TNR: variants seen among roughly 807,000 people sequenced by gnomAD.
TNR encodes tenascin-R.
In TNR, 45 loss-of-function variants were observed where a neutral mutation model predicts 150.4. That is an observed-to-expected ratio of 0.30 (90% CI 0.24 to 0.38). TNR has a LOEUF of 0.38. TNR is among the 10% of genes least tolerant of loss of function. The pLI, the probability that TNR is intolerant of heterozygous loss-of-function variation, is 1.00. For synonymous variants in TNR, 687 were observed against 678.4 expected (o/e 1.01, Z -0.20); for missense variants, 1,544 against 1,759.1 (o/e 0.88, Z 2.19).
chr1:175,325,861 C>A (rs1649354732), intron 21 of TNR, among the ~76,000 whole-genome samples: 1 of 151,158 alleles, frequency 6.6e-6, no homozygotes, highest in South Asian at 2.1e-4. Flanking sequence ...CACACCAGGG[C>A]CTGTTGTGGG....
chr1:175,455,659 G>C (rs1305941397), intron 2 of TNR, among the ~76,000 whole-genome samples: 1 of 152,204 alleles, frequency 6.6e-6, no homozygotes, highest in East Asian at 1.9e-4. Flanking sequence ...ATCCTGAAAA[G>C]CCAGAAGGGT....
At chr1:175,663,929 T>C (rs966795341) in intron 1 of TNR, among the ~76,000 whole-genome samples, 1 of 152,206 alleles carries the variant, frequency 6.6e-6, no homozygotes, top group African/African-American at 2.4e-5. Flanking sequence ...GAGGGGTAAC[T>C]TGGAGATGGC....
chr1:175,483,726 CA>C (rs1273915158), intron 2 of TNR, among the ~76,000 whole-genome samples: 1 of 152,166 alleles, frequency 6.6e-6, no homozygotes, highest in African/African-American at 2.4e-5. Context: ...GGCTCAAAAC[CA>C]AACCCCAAGG....
intron 2 of TNR, among the ~76,000 whole-genome samples, chr1:175,434,706 C>A (rs975809187): frequency 2.0e-5 from 3 of 152,138 alleles, no homozygotes; most frequent in Admixed American, 6.5e-5. Context: ...CCCGGGAATA[C>A]GGTATGTGTG....
At chr1:175,347,633 G>T (rs1481551108) in intron 18 of TNR, among the ~76,000 whole-genome samples, 1 of 151,924 alleles carries the variant, frequency 6.6e-6, no homozygotes, top group Non-Finnish European at 1.5e-5. Flanking sequence ...TCATCATGTT[G>T]CCCAGGCTGT....
chr1:175,396,651 C>T lies in TNR; in HGVS notation c.1133G>A (p.Ser378Asn), dbSNP rs769445830. The T allele has an allele frequency of 1.2e-5, 19 of 1,614,094 alleles. No individual in the cohort carries two copies. Among genetic ancestry groups the T allele is most frequent in the Non-Finnish European group, 1.6e-5 (19 of 1,180,060 alleles). ...QLQQRVPGDWSGVTITELEPG... is the reference protein window; with the variant it reads ...QLQQRVPGDWNGVTITELEPG... ...CTCCAGCTCCGTGATGGTGACACCA[C>T]TCCAATCTCCAGGCACCCGCTGCTG... The change falls in exon 5 of 23, where the codon AGT (serine) becomes AAT (asparagine). Residue 378 changes from serine (S) to asparagine (N), a missense_variant. This residue lies in a region of TNR where 1,254 missense variants were observed against 1,329.4 expected (regional missense o/e 0.94). Transcript: ENST00000367674.
chr1:175,480,459 A>G (rs997637363), intron 2 of TNR, among the ~76,000 whole-genome samples: 2 of 143,376 alleles, frequency 1.4e-5, no homozygotes, highest in Non-Finnish European at 3.1e-5. Context: ...GAAAGAAAGA[A>G]AAGAAAAAAA....
intron 1 of TNR, among the ~76,000 whole-genome samples, chr1:175,573,200 G>T (rs1661956704): frequency 1.3e-5 from 2 of 152,340 alleles, no homozygotes; most frequent in African/African-American, 4.8e-5. Flanking sequence ...CACTCCACCA[G>T]CTACTCTCTG....
At position 175,365,815 on chromosome 1, in the gene TNR, T is replaced by A. The variant is rs1265254468; in HGVS notation, c.2317+60A>T. ...TGGAAGAGTGACTTGCCTGAATGAA[T>A]TTCTCACACTGAGATCCACTGATCC... On this transcript the variant is annotated intron_variant, in intron 11 of 22. Transcript: ENST00000367674. The A allele has an allele frequency of 3.8e-6, 6 of 1,565,208 alleles. No individual in the cohort carries two copies. The East Asian group carries it at 1.4e-4, about 35-fold the overall frequency.
intron 1 of TNR, among the ~76,000 whole-genome samples, chr1:175,682,808 C>T (rs890289304): frequency 6.6e-6 from 1 of 152,094 alleles, no homozygotes; most frequent in Non-Finnish European, 1.5e-5. Context: ...GAGCATGGCA[C>T]CCTTCACCCC....
intron 2 of TNR, among the ~76,000 whole-genome samples, chr1:175,495,370 T>G (rs1443214312): frequency 6.6e-6 from 1 of 152,214 alleles, no homozygotes; most frequent in East Asian, 1.9e-4. Flanking sequence ...ACACAGTGCC[T>G]GCTTCATAGT....
chr1:175,378,970 G>C (rs1031725469), intron 9 of TNR, among the ~76,000 whole-genome samples: 1 of 152,144 alleles, frequency 6.6e-6, no homozygotes, highest in African/African-American at 2.4e-5. Context: ...ACCTGAGGTC[G>C]GGAGTTTGTG....
intron 2 of TNR, among the ~76,000 whole-genome samples, chr1:175,436,201 G>T: frequency 6.6e-6 from 1 of 152,174 alleles, no homozygotes; most frequent in East Asian, 1.9e-4. Flanking sequence ...CTAGATTGGG[G>T]AAGTTCTCTT....
intron 1 of TNR, among the ~76,000 whole-genome samples, chr1:175,741,661 G>T (rs1667935248): frequency 6.6e-6 from 1 of 152,162 alleles, no homozygotes; most frequent in Admixed American, 6.5e-5. Context: ...CTAGGGAGAT[G>T]CTAAGATTTC....
intron 1 of TNR, among the ~76,000 whole-genome samples, chr1:175,601,541 T>C (rs1429978834): frequency 6.6e-6 from 1 of 152,208 alleles, no homozygotes; most frequent in Non-Finnish European, 1.5e-5. Flanking sequence ...TTTGAGTTCC[T>C]TGATTTGAAA....
rs139472392 is a variant in TNR at position 175,742,825 on chromosome 1, C to G, written c.-165+401G>C. On this transcript the variant is annotated intron_variant, in intron 1 of 22. Coordinates refer to ENST00000367674, the MANE Select transcript of TNR (RefSeq NM_003285.3). ...CTCTTTCCCACCATGGATGGCTTGT[C>G]GGGAGAGAGTTAAAGAAGGTGCACG... Among the ~76,000 whole-genome samples the G allele has an allele frequency of 3.9e-3, 601 of 152,210 alleles. 3 individuals carry two copies. The highest frequency in any genetic ancestry group is 0.013 in the African/African-American group (550 of 41,506).
intron 6 of TNR, 86 bp downstream of exon 6, chr1:175,393,694 G>T: frequency 9.5e-7 from 1 of 1,048,864 alleles, no homozygotes; most frequent in Non-Finnish European, 1.5e-6. Flanking sequence ...ATATTGGGTA[G>T]CACTTTCCTT....
intron 1 of TNR, among the ~76,000 whole-genome samples, chr1:175,545,865 G>A (rs1660665297): frequency 6.6e-6 from 1 of 152,204 alleles, no homozygotes; most frequent in South Asian, 2.1e-4. Flanking sequence ...AAGATTTTGA[G>A]CTATAAGCAT....
At chr1:175,689,680 C>T (rs1666302655) in intron 1 of TNR, among the ~76,000 whole-genome samples, 2 of 152,184 alleles carry the variant, frequency 1.3e-5, no homozygotes, top group Admixed American at 1.3e-4. Context: ...TCGATGCCAT[C>T]CCATTAGAAT....
Sources: allele counts gnomAD v4.1 joint callset (sites outside exome capture counted in the v4.1 genomes callset), GRCh38; gene constraint gnomAD v4.1.1; regional missense constraint gnomAD v4.1.1; transcripts MANE v1.5; gene names NCBI Gene and HGNC (gene_info 2026-07-23, HGNC 2026-07-21).